Variants in PPOX observed in about 807,000 individuals in gnomAD.
PPOX encodes the protein protoporphyrinogen oxidase.
PPOX carries 23 observed loss-of-function variants against 54.1 expected under a neutral mutation model. The observed-to-expected ratio is 0.43, with a 90% CI of 0.31 to 0.60. PPOX has a LOEUF of 0.60. Among genes scored for constraint, PPOX ranks in the 20% least tolerant of loss-of-function variants. The pLI, the probability that PPOX is intolerant of heterozygous loss-of-function variation, is 0.13. For synonymous variants in PPOX, 224 were observed against 236.1 expected (o/e 0.95, Z 0.47); for missense variants, 512 against 601.1 (o/e 0.85, Z 1.55).
intron 9 of PPOX, 158 bp from the exon 10 acceptor site, chr1:161,170,251 G>A: frequency 1.2e-6 from 1 of 830,494 alleles, no homozygotes; most frequent in South Asian, 1.5e-5. Context: ...CTTGAACCCA[G>A]GAGGTGGAGG....
downstream of PPOX, chr1:161,176,103 T>C: frequency 6.2e-7 from 1 of 1,608,182 alleles, no homozygotes; most frequent in Non-Finnish European, 8.5e-7. Context: ...ATTCTGGGGG[T>C]AGGCAGGAAG....
At chr1:161,168,885 A>G (rs901435363) in intron 6 of PPOX, 108 bp from the exon 7 acceptor site, 21 of 1,326,372 alleles carry the variant, frequency 1.6e-5, no homozygotes, top group Non-Finnish European at 2.1e-5. Context: ...GCTGGTCTCA[A>G]ACTCCTGACC....
chr1:161,177,193 TG>T (rs1204917180), downstream of PPOX: 11 of 952,010 alleles, frequency 1.2e-5, no homozygotes, highest in Admixed American at 1.3e-4. Context: ...GTCCGCGCTG[TG>T]GAGGGGGTTA....
In PPOX at chr1:161,168,113, C is replaced by A; in HGVS notation, c.457C>A (p.Arg153Ser). The A allele has an allele frequency of 6.2e-7, 1 of 1,614,172 alleles. No individual in the cohort carries two copies. Among genetic ancestry groups the A allele is most frequent in the Admixed American group, 1.7e-5 (1 of 60,020 alleles). Residue 153 changes from arginine (R) to serine (S), a missense_variant, in exon 5 of 13, where the codon CGC (arginine) becomes AGC (serine). Transcript: ENST00000367999. ...GACTGTGCACAGTTTTGCCCAGCGC[C>A]GCCTTGGACCTGAGGTGACACTTGC... ...DETVHSFAQR[R>S]LGPEVASLAM...
chr1:161,170,769 G>C lies in PPOX; in HGVS notation c.1248G>C (p.Lys416Asn), dbSNP rs1313555532. 2.5e-6 allele frequency: 4 copies of C among 1,614,066 alleles called. No homozygotes were observed. The East Asian group carries it at 6.7e-5, about 27-fold the overall frequency. ...MPSHCLVHLH[K>N]NCIPQYTLGH... ...GCCACTGCTTGGTCCATCTACACAA[G>C]GTAAGTTGGGATAAACTTCCCTCAG... is the stretch of plus-strand genomic sequence containing the variant. The change falls in exon 11 of 13, where the codon AAG (lysine) becomes AAC (asparagine). Residue 416 changes from lysine to asparagine, a missense_variant and splice_region_variant. Coordinates refer to ENST00000367999, the MANE Select transcript of PPOX (RefSeq NM_001122764.3).
downstream of PPOX, chr1:161,171,919 C>T (rs367875334): frequency 1.9e-6 from 3 of 1,614,004 alleles, no homozygotes; most frequent in African/African-American, 2.7e-5. Context: ...TTGGGAGGAA[C>T]CAGGTGGGTA....
chr1:161,166,919 C>A lies in PPOX; in HGVS notation c.72C>A (p.Ala24=), dbSNP rs752272783. The A allele has an allele frequency of 9.9e-6, 16 of 1,613,952 alleles. No individual in the cohort carries two copies. In the Admixed American group the frequency reaches 2.7e-4, roughly 27 times the overall value. Residue 24 remains alanine, a synonymous_variant, in exon 2 of 13, where the codon GCC becomes GCA. Coordinates refer to ENST00000367999, the MANE Select transcript of PPOX (RefSeq NM_001122764.3). ...GLAASYHLSR[A]PCPPKVVLVE... ...CCGCCAGTTACCACCTGAGCCGGGCCCCCTGCCCCCCTAAGGTGAGTGCTC... is the reference window on the plus strand; with the variant it reads ...CCGCCAGTTACCACCTGAGCCGGGCACCCTGCCCCCCTAAGGTGAGTGCTC...
intron 9 of PPOX, 146 bp downstream of exon 9, chr1:161,170,170 C>G (rs929011976): frequency 9.3e-7 from 1 of 1,070,798 alleles, no homozygotes; most frequent in Non-Finnish European, 1.4e-6. Context: ...ACGAAAAATA[C>G]AAAAATTAGC....
intron 6 of PPOX, 83 bp from the exon 7 acceptor site, chr1:161,168,910 C>T (rs1217777052): frequency 9.2e-6 from 14 of 1,519,282 alleles, no homozygotes; most frequent in Admixed American, 3.5e-5. Context: ...GTGATCCACC[C>T]GCCTCGGCCT....
chr1:161,175,091 G>A, downstream of PPOX: 3 of 1,614,076 alleles, frequency 1.9e-6, no homozygotes, highest in Non-Finnish European at 2.5e-6. Flanking sequence ...CGGGCACGAT[G>A]AGGCACAATG....
At chr1:161,169,259 C>G in intron 7 of PPOX, 76 bp downstream of exon 7, 4 of 1,527,288 alleles carry the variant, frequency 2.6e-6, no homozygotes, top group South Asian at 2.3e-5. Context: ...AGGCCAGGGC[C>G]GATAGGACTG....
chr1:161,166,353 T>TC, upstream of PPOX: 9 of 1,048,452 alleles, frequency 8.6e-6, no homozygotes, highest in Non-Finnish European at 1.0e-5. Context: ...GTGAACGTGA[T>TC]CCGGGGCCTT....
At chr1:161,167,952 G>GT in intron 4 of PPOX, 43 bp from the exon 5 acceptor site, 1 of 1,613,756 alleles carries the variant, frequency 6.2e-7, no homozygotes, top group Non-Finnish European at 8.5e-7. Flanking sequence ...AGCTGGGGAG[G>GT]TATGTCAGGA....
downstream of PPOX, among the ~76,000 whole-genome samples, chr1:161,172,886 CG>C (rs1336243481): frequency 4.8e-5 from 7 of 144,454 alleles, no homozygotes; most frequent in Non-Finnish European, 1.1e-4. Context: ...AAAAAAAAAA[CG>C]AAAGAAAGAA....
At position 161,167,122 on chromosome 1, in the gene PPOX, A is replaced by T; in HGVS notation, c.110A>T (p.Glu37Val). Reference protein sequence around the residue: ...PPKVVLVESSERLGGWIRSVR... With the variant: ...PPKVVLVESSVRLGGWIRSVR... ...CAGGTGGTCCTAGTGGAGAGCAGTG[A>T]GCGTCTGGGAGGCTGGATTCGCTCC... is the stretch of plus-strand genomic sequence containing the variant. Residue 37 changes from glutamate (E) to valine (V), a missense_variant, in exon 3 of 13, where the codon GAG (glutamate) becomes GTG (valine). Transcript: ENST00000367999. 1 of 1,613,954 alleles carries T rather than the reference A, an allele frequency of 6.2e-7. No individual in the cohort carries two copies. The highest frequency in any genetic ancestry group is 8.5e-7 in the Non-Finnish European group (1 of 1,179,988).
downstream of PPOX, chr1:161,171,552 C>T: frequency 1.7e-6 from 1 of 592,326 alleles, no homozygotes; most frequent in Non-Finnish European, 3.0e-6. Flanking sequence ...ACTCTAGGGG[C>T]AGGGACTCCT....
At chr1:161,168,895 C>T (rs998818514) in intron 6 of PPOX, 98 bp from the exon 7 acceptor site, 5 of 1,415,980 alleles carry the variant, frequency 3.5e-6, no homozygotes, top group Non-Finnish European at 4.9e-6. Flanking sequence ...AACTCCTGAC[C>T]TCAAGTGATC....
downstream of PPOX, chr1:161,177,895 A>G (rs74414593): frequency 7.9e-5 from 12 of 152,338 alleles, no homozygotes; most frequent in African/African-American, 2.9e-4. Flanking sequence ...CTTAGTATCA[A>G]TTGTTCCTTA....
chr1:161,174,857 G>A (rs976954407), downstream of PPOX: 11 of 873,642 alleles, frequency 1.3e-5, no homozygotes, highest in East Asian at 5.2e-5. Flanking sequence ...GAGCAGTGCC[G>A]GGTGCTTCTC....
Sources: allele counts gnomAD v4.1 joint callset (sites outside exome capture counted in the v4.1 genomes callset), GRCh38; gene constraint gnomAD v4.1.1; transcripts MANE v1.5; gene names NCBI Gene and HGNC (gene_info 2026-07-23, HGNC 2026-07-21).